STIL: variants seen among roughly 807,000 people sequenced by gnomAD.
STIL encodes SCL-interrupting locus protein.
A neutral mutation model predicts 110.1 loss-of-function variants in STIL; 55 were observed. The observed-to-expected ratio is 0.50, with a 90% CI of 0.40 to 0.63. The LOEUF (loss-of-function observed/expected upper bound fraction) is 0.63, where lower values mean the gene tolerates loss of function less well. STIL is among the 20% of genes least tolerant of loss of function. The probability of loss-of-function intolerance (pLI) is 0.00; values close to 1 mark genes in which losing one functional copy is unlikely to be tolerated. For synonymous variants in STIL, 481 were observed against 530.0 expected (o/e 0.91, Z 1.27); for missense variants, 1,358 against 1,530.0 (o/e 0.89, Z 1.87).
intron 8 of STIL, 52 bp downstream of exon 8, chr1:47,293,406 T>C: frequency 5.5e-6 from 8 of 1,457,250 alleles, no homozygotes; most frequent in South Asian, 1.1e-5. Flanking sequence ...CCATAAACTA[T>C]GAATGGGGGA....
At chr1:47,276,281 T>G (rs2472726) in intron 12 of STIL, among the ~76,000 whole-genome samples, 1 of 151,838 alleles carries the variant, frequency 6.6e-6, no homozygotes, top group Non-Finnish European at 1.5e-5. Flanking sequence ...GGACTACAGG[T>G]GTGAGCCACC....
At chr1:47,272,850 G>A (rs1570111516) in intron 12 of STIL, among the ~76,000 whole-genome samples, 1 of 152,066 alleles carries the variant, frequency 6.6e-6, no homozygotes, top group Non-Finnish European at 1.5e-5. Context: ...TTAGATTGGA[G>A]GTATACTCTG....
At chr1:47,257,514 T>TA (rs1002860479) in intron 16 of STIL, among the ~76,000 whole-genome samples, 9 of 151,916 alleles carry the variant, frequency 5.9e-5, no homozygotes, top group Non-Finnish European at 1.3e-4. Context: ...TTTTAAAAAC[T>TA]AAAAAAAAGT....
chr1:47,306,533 C>T (rs1427192014), intron 2 of STIL, among the ~76,000 whole-genome samples: 1 of 152,206 alleles, frequency 6.6e-6, no homozygotes, highest in Non-Finnish European at 1.5e-5. Context: ...GGATTATAGG[C>T]ATGAGCCATG....
rs765053837 is a variant in STIL at position 47,305,028 on chromosome 1, A to G, written c.45-32T>C. ...AAAAAACAATGTAAAATTAAAGCACAAGGAATAGCAAACTTGGTAGACATT... is the reference window on the plus strand; with the variant it reads ...AAAAAACAATGTAAAATTAAAGCACGAGGAATAGCAAACTTGGTAGACATT... On this transcript the variant is annotated intron_variant, in intron 2 of 16. Coordinates refer to ENST00000371877, the MANE Select transcript of STIL (RefSeq NM_001048166.1). 12 of 1,493,558 alleles carry G rather than the reference A, an allele frequency of 8.0e-6. No homozygotes were observed. In the East Asian group the frequency reaches 2.7e-4, roughly 34 times the overall value. 92.5% of individuals were successfully genotyped at this position (1,493,558 alleles called of 1,614,324 possible).
chr1:47,251,551 T>G lies in STIL; in HGVS notation c.3452A>C (p.Glu1151Ala), dbSNP rs995600194. 3.1e-6 allele frequency: 5 copies of G among 1,614,152 alleles called. No homozygotes were observed. The highest frequency in any genetic ancestry group is 3.4e-6 in the Non-Finnish European group (4 of 1,180,016). ...EPPDNADSKSEYLLNQNLRSI... is the reference protein window; with the variant it reads ...EPPDNADSKSAYLLNQNLRSI... The stretch of plus-strand genomic sequence containing the variant: ...CCTAAGGTTCTGATTCAATAAATAT[T>G]CACTCTTGCTATCTGCATTGTCGGG... Residue 1151 changes from glutamate to alanine, a missense_variant, in exon 17 of 17, where the codon GAA becomes GCA. Glu to Ala is a moderately radical substitution (Grantham distance 107). Coordinates refer to ENST00000371877, the MANE Select transcript of STIL (RefSeq NM_001048166.1).
At chr1:47,287,225 T>C (rs1447781397) in intron 10 of STIL, among the ~76,000 whole-genome samples, 2 of 151,952 alleles carry the variant, frequency 1.3e-5, no homozygotes, top group Non-Finnish European at 2.9e-5. Flanking sequence ...AAGAAACTTA[T>C]AAGGAAGGGA....
intron 2 of STIL, among the ~76,000 whole-genome samples, chr1:47,305,842 C>T (rs766481292): frequency 2.7e-5 from 4 of 150,282 alleles, no homozygotes; most frequent in Non-Finnish European, 5.9e-5. Context: ...AGTGATCCTC[C>T]CACCTCAGCC....
In STIL at chr1:47,260,426, C is replaced by A; in HGVS notation, c.2943G>T (p.Lys981Asn). Residue 981 changes from lysine (K) to asparagine (N), a missense_variant, in exon 16 of 17, where the codon AAG becomes AAT. Lys to Asn is a moderately conservative substitution (Grantham distance 94). Transcript: ENST00000371877. The stretch of plus-strand genomic sequence containing the variant: ...CCAGTCTTGAATGATGTGTTTTTTT[C>A]TTTGTATGGTAAACGTTTTGGGTTC... ...CTRTQNVYHT[K>N]KKTHHSRLVD... 1 of 1,613,916 alleles carries A rather than the reference C, an allele frequency of 6.2e-7. No homozygotes were observed. The highest frequency in any genetic ancestry group is 1.1e-5 in the South Asian group (1 of 91,074).
chr1:47,302,982 GA>G (rs887532828), intron 3 of STIL, among the ~76,000 whole-genome samples: 11 of 152,114 alleles, frequency 7.2e-5, no homozygotes, highest in Non-Finnish European at 1.3e-4. Flanking sequence ...ATAAAGGGGG[GA>G]AACTACTGTA....
At chr1:47,271,793 A>G (rs1337202122) in intron 13 of STIL, among the ~76,000 whole-genome samples, 1 of 151,498 alleles carries the variant, frequency 6.6e-6, no homozygotes, top group Non-Finnish European at 1.5e-5. Context: ...TGGGCAACAC[A>G]GCGAGACTCC....
chr1:47,307,581 G>A (rs1001002906), intron 2 of STIL, among the ~76,000 whole-genome samples: 24 of 152,008 alleles, frequency 1.6e-4, no homozygotes, highest in Non-Finnish European at 1.3e-4. Context: ...GATGTATATC[G>A]TCTCAGGACC....
At chr1:47,276,530 A>G (rs1644996192) in intron 12 of STIL, among the ~76,000 whole-genome samples, 1 of 151,972 alleles carries the variant, frequency 6.6e-6, no homozygotes, top group African/African-American at 2.4e-5. Context: ...CTTCTAGGCC[A>G]GGCATGGTGG....
intron 8 of STIL, among the ~76,000 whole-genome samples, chr1:47,289,955 AAAAGGAATAAG>A (rs1206718938): frequency 2.0e-5 from 3 of 149,870 alleles, no homozygotes; most frequent in Non-Finnish European, 4.4e-5. Flanking sequence ...AAAAAAAAAA[AAAAGGAATAAG>A]AGAGCAATTC....
At chr1:47,307,157 A>G (rs1278623997) in intron 2 of STIL, among the ~76,000 whole-genome samples, 2 of 152,154 alleles carry the variant, frequency 1.3e-5, no homozygotes, top group African/African-American at 4.8e-5. Flanking sequence ...ATCTCAAAAA[A>G]CAAAAAACAA....
chr1:47,262,116 A>G (rs752401590), intron 15 of STIL, among the ~76,000 whole-genome samples: 1 of 152,136 alleles, frequency 6.6e-6, no homozygotes, highest in Non-Finnish European at 1.5e-5. Flanking sequence ...CTATTTCTGC[A>G]TATTTCATTC....
chr1:47,307,660 C>T (rs187670419), intron 2 of STIL, among the ~76,000 whole-genome samples: 27 of 152,178 alleles, frequency 1.8e-4, no homozygotes, highest in Admixed American at 1.6e-3. Context: ...ATGTGGGCAC[C>T]TGAAAAAAGA....
At chr1:47,289,750 G>A (rs1383274041) in intron 8 of STIL, among the ~76,000 whole-genome samples, 165 bp from the exon 9 acceptor site, 1 of 151,984 alleles carries the variant, frequency 6.6e-6, no homozygotes, top group Non-Finnish European at 1.5e-5. Context: ...TGGGAGGATC[G>A]CTTGAGGCCA....
At chr1:47,256,761 G>A (rs762769445) in intron 16 of STIL, among the ~76,000 whole-genome samples, 1 of 152,034 alleles carries the variant, frequency 6.6e-6, no homozygotes, top group Non-Finnish European at 1.5e-5. Flanking sequence ...TTGGGAGGCC[G>A]AGGCAGGTGG....
Sources: gnomAD v4.1 joint callset for allele counts (sites outside exome capture counted in the v4.1 genomes callset) on GRCh38, gnomAD v4.1.1 for gene constraint, MANE v1.5 for transcripts, NCBI Gene and HGNC (gene_info 2026-07-23, HGNC 2026-07-21) for gene names.